Variants in GABRA2 observed in about 807,000 individuals in gnomAD.
GABRA2 encodes gamma-aminobutyric acid receptor subunit alpha-2.
A neutral mutation model predicts 48.7 loss-of-function variants in GABRA2; 16 were observed. That is an observed-to-expected ratio of 0.33 (90% CI 0.22 to 0.50). GABRA2 has a LOEUF of 0.50. Ranked by LOEUF, GABRA2 falls within the 20% of genes least tolerant of loss-of-function variation. The pLI is 0.98. For missense variants in GABRA2, 275 were observed against 535.6 expected (o/e 0.51, Z 4.80); for synonymous variants, 185 against 184.5 (o/e 1.00, Z -0.02).
intron 3 of GABRA2, among the ~76,000 whole-genome samples, chr4:46,354,103 T>A (rs1051208631): frequency 6.6e-6 from 1 of 152,174 alleles, no homozygotes; most frequent in Non-Finnish European, 1.5e-5. Flanking sequence ...TTGCACACAT[T>A]ATTTTATTTT....
rs886795876 is a variant in GABRA2, at chr4:46,255,639, A to G, written c.1060-5035T>C. Among the ~76,000 whole-genome samples the G allele has an allele frequency of 7.9e-5, 12 of 151,566 alleles. No individual in the cohort carries two copies. The Admixed American group carries it at 7.9e-4, about 10-fold the overall frequency. ...TTAAGTGGAATGAAAAAGAAATATA[A>G]CCCACACAAATTGATTTTCCATTTT... is the stretch of plus-strand genomic sequence containing the variant. On this transcript the variant is annotated intron_variant, in intron 9 of 9. Coordinates refer to ENST00000381620, the MANE Select transcript of GABRA2 (RefSeq NM_000807.4).
rs200623602 is a variant in GABRA2 at position 46,305,688 on chromosome 4, T to C, written c.583A>G (p.Thr195Ala). ...GSYAYTTSEVTYIWTYNASDS... is the reference protein window; with the variant it reads ...GSYAYTTSEVAYIWTYNASDS... The stretch of plus-strand genomic sequence containing the variant: ...GATGCATTGTAAGTCCAAATATAAG[T>C]GACCTCTGAAGTTGTATATGCATCT... The change falls in exon 7 of 10, where the codon ACT becomes GCT. Residue 195 changes from threonine to alanine, a missense_variant. By Grantham distance (58) the Thr-to-Ala change is moderately conservative. Around this residue, in one of 4 missense-constraint regions of GABRA2, gnomAD observed 113 missense variants for 257.1 expected, o/e 0.44. Transcript: ENST00000381620. The C allele has an allele frequency of 6.2e-7, 1 of 1,612,602 alleles. No individual in the cohort carries two copies. The highest frequency in any genetic ancestry group is 2.2e-5 in the East Asian group (1 of 44,846).
At chr4:46,381,689 C>T (rs1288334244) in intron 3 of GABRA2, among the ~76,000 whole-genome samples, 2 of 152,108 alleles carry the variant, frequency 1.3e-5, no homozygotes, top group Non-Finnish European at 2.9e-5. Flanking sequence ...GGAACTCCTC[C>T]TCCCACTTCA....
At chr4:46,347,099 A>C (rs1449203498) in intron 3 of GABRA2, among the ~76,000 whole-genome samples, 1 of 151,956 alleles carries the variant, frequency 6.6e-6, no homozygotes, top group Non-Finnish European at 1.5e-5. Context: ...AAAATGACAC[A>C]TATAAATGAA....
intron 8 of GABRA2, among the ~76,000 whole-genome samples, chr4:46,269,627 A>T (rs916726715): frequency 6.6e-6 from 1 of 151,926 alleles, no homozygotes; most frequent in Non-Finnish European, 1.5e-5. Flanking sequence ...AAAATCAGAA[A>T]AGAAACACCT....
chr4:46,301,548 C>A (rs184973429), intron 8 of GABRA2, among the ~76,000 whole-genome samples: 1 of 152,146 alleles, frequency 6.6e-6, no homozygotes, highest in African/African-American at 2.4e-5. Flanking sequence ...AATGAACATG[C>A]CATTGTCTTT....
At chr4:46,308,935 G>C (rs916369504) in intron 6 of GABRA2, among the ~76,000 whole-genome samples, 1 of 151,842 alleles carries the variant, frequency 6.6e-6, no homozygotes, top group Non-Finnish European at 1.5e-5. Flanking sequence ...TGGTATCAAG[G>C]CTTTTCAATT....
chr4:46,273,481 AT>A (rs1719792884), intron 8 of GABRA2, among the ~76,000 whole-genome samples: 1 of 31,742 alleles, frequency 3.2e-5, no homozygotes. Context: ...ATATATATAT[AT>A]GCATATATAT....
intron 4 of GABRA2, among the ~76,000 whole-genome samples, chr4:46,331,320 C>G (rs1056004243): frequency 6.6e-6 from 1 of 152,086 alleles, no homozygotes; most frequent in East Asian, 1.9e-4. Flanking sequence ...TTTCAGCCAC[C>G]CAGGTCAAGA....
intron 8 of GABRA2, among the ~76,000 whole-genome samples, chr4:46,284,069 T>C (rs1722052485): frequency 9.0e-6 from 1 of 111,332 alleles, no homozygotes; most frequent in Non-Finnish European, 1.8e-5. Flanking sequence ...TGATTTGAGT[T>C]CTTAATAGAA....
intron 8 of GABRA2, among the ~76,000 whole-genome samples, chr4:46,266,106 C>A (rs1454282023): frequency 6.6e-6 from 1 of 151,752 alleles, no homozygotes; most frequent in Non-Finnish European, 1.5e-5. Context: ...GAGAATGCTC[C>A]ATGCCCAGTT....
At chr4:46,334,759 T>TA (rs1465688522) in intron 3 of GABRA2, among the ~76,000 whole-genome samples, 3 of 152,152 alleles carry the variant, frequency 2.0e-5, no homozygotes, top group Admixed American at 2.0e-4. Flanking sequence ...AACATAGACA[T>TA]AAAAAGTTAT....
chr4:46,292,347 T>C (rs1723830012), intron 8 of GABRA2, among the ~76,000 whole-genome samples: 1 of 152,116 alleles, frequency 6.6e-6, no homozygotes, highest in Non-Finnish European at 1.5e-5. Context: ...GCTCTTATCA[T>C]GCAAGTGGCT....
chr4:46,314,518 T>A (rs757179086), intron 4 of GABRA2, among the ~76,000 whole-genome samples: 1 of 152,038 alleles, frequency 6.6e-6, no homozygotes, highest in East Asian at 1.9e-4. Context: ...ATTTTAGATA[T>A]GGGGGCATAT....
chr4:46,296,508 T>C (rs1402344912), intron 8 of GABRA2, among the ~76,000 whole-genome samples: 1 of 152,118 alleles, frequency 6.6e-6, no homozygotes. Context: ...AGGAAGAGCA[T>C]GCATGTAATA....
At chr4:46,270,740 G>A (rs554028064) in intron 8 of GABRA2, among the ~76,000 whole-genome samples, 1 of 151,898 alleles carries the variant, frequency 6.6e-6, no homozygotes, top group South Asian at 2.1e-4. Context: ...TTTATATCAA[G>A]GTATAGGCCA....
intron 8 of GABRA2, among the ~76,000 whole-genome samples, chr4:46,270,078 G>A (rs1034998451): frequency 1.7e-4 from 26 of 151,950 alleles, no homozygotes; most frequent in Admixed American, 9.9e-4. Context: ...GTTTGTAAGT[G>A]TAAACTGATA....
At chr4:46,304,995 T>C (rs971930036) in intron 7 of GABRA2, among the ~76,000 whole-genome samples, 24 of 151,398 alleles carry the variant, frequency 1.6e-4, no homozygotes, top group Non-Finnish European at 2.5e-4. Context: ...AAGACACATA[T>C]GTTGCAAATA....
intron 3 of GABRA2, among the ~76,000 whole-genome samples, chr4:46,373,525 C>T (rs1370674623): frequency 6.6e-6 from 1 of 152,086 alleles, no homozygotes. Flanking sequence ...TAAATGGTGA[C>T]ATATTTTAAT....
Sources: allele counts gnomAD v4.1 joint callset (sites outside exome capture counted in the v4.1 genomes callset), GRCh38; gene constraint gnomAD v4.1.1; regional missense constraint gnomAD v4.1.1; transcripts MANE v1.5; gene names NCBI Gene and HGNC (gene_info 2026-07-23, HGNC 2026-07-21).